Variants in PDE8B observed in about 807,000 individuals in gnomAD.
PDE8B encodes the protein phosphodiesterase 8B.
A neutral mutation model predicts 101.3 loss-of-function variants in PDE8B; 26 were observed. That is an observed-to-expected ratio of 0.26 (90% confidence interval 0.19 to 0.36). The LOEUF (loss-of-function observed/expected upper bound fraction) is 0.36, where lower values mean the gene tolerates loss of function less well. Ranked by LOEUF, PDE8B falls within the 10% of genes least tolerant of loss-of-function variation. The pLI is 1.00. For synonymous variants in PDE8B, 424 were observed against 429.3 expected (o/e 0.99, Z 0.15); for missense variants, 810 against 1,163.1 (o/e 0.70, Z 4.42).
the PDE8B span, among the ~76,000 whole-genome samples, chr5:77,110,860 C>T: frequency 6.6e-6 from 1 of 152,220 alleles, no homozygotes; most frequent in Non-Finnish European, 1.5e-5. Flanking sequence ...TCCTTCCAAA[C>T]CTATCTGCTA....
intron 10 of PDE8B, among the ~76,000 whole-genome samples, chr5:77,389,319 G>C (rs897745385): frequency 6.6e-6 from 1 of 152,066 alleles, no homozygotes; most frequent in Non-Finnish European, 1.5e-5. Flanking sequence ...CTTGGATAGG[G>C]GAGGGAATTC....
rs59393259 is a variant in PDE8B, at chr5:77,386,865, C to CTTTTTTTTTTTT, written c.1168-13365_1168-13354dup. Among the ~76,000 whole-genome samples, 76 of 51,078 alleles carry CTTTTTTTTTTTT rather than the reference C, an allele frequency of 1.5e-3. 11 individuals are homozygous for CTTTTTTTTTTTT. The highest frequency in any genetic ancestry group is 2.1e-3 in the African/African-American group (23 of 10,756). The allele number at this position is 51,078 out of a possible 152,430, so 33.5% of individuals were successfully genotyped here. On this transcript the variant is annotated intron_variant, in intron 10 of 21. Transcript: ENST00000264917. ...TTTTGCCTGTTAGTTGATGTAGTTT[C>CTTTTTTTTTTTT]TTTTTTTTTTTTTTTTTTTTTTTTT...
At chr5:77,376,728 T>G (rs1035220108) in intron 10 of PDE8B, among the ~76,000 whole-genome samples, 1 of 152,186 alleles carries the variant, frequency 6.6e-6, no homozygotes, top group Non-Finnish European at 1.5e-5. Flanking sequence ...TTATTACTAA[T>G]TTTTCCCTGT....
At chr5:77,227,527 G>A (rs1358189917) in intron 1 of PDE8B, among the ~76,000 whole-genome samples, 2 of 152,126 alleles carry the variant, frequency 1.3e-5, no homozygotes, top group Non-Finnish European at 2.9e-5. Flanking sequence ...GAGCAAAGAT[G>A]AATTAGATTC....
intron 1 of PDE8B, among the ~76,000 whole-genome samples, chr5:77,269,289 C>G (rs145579287): frequency 1.4e-3 from 220 of 152,138 alleles, no homozygotes; most frequent in African/African-American, 5.2e-3. Flanking sequence ...TGAGAACTGT[C>G]TATTCAGGTC....
At chr5:77,149,417 A>G in the PDE8B span, among the ~76,000 whole-genome samples, 1 of 152,290 alleles carries the variant, frequency 6.6e-6, no homozygotes, top group South Asian at 2.1e-4. Flanking sequence ...TGGAGTTTTG[A>G]TAGGAATTGT....
chr5:77,132,837 C>G, the PDE8B span, among the ~76,000 whole-genome samples: 9 of 152,214 alleles, frequency 5.9e-5, no homozygotes, highest in Non-Finnish European at 1.3e-4. Context: ...TTAACTGAGA[C>G]TCTACATGTG....
At chr5:77,221,137 T>A (rs1367254931) in intron 1 of PDE8B, among the ~76,000 whole-genome samples, 1 of 152,244 alleles carries the variant, frequency 6.6e-6, no homozygotes, top group Non-Finnish European at 1.5e-5. Flanking sequence ...ATATGACAAC[T>A]TAATATCAAT....
chr5:77,155,631 G>GT, the PDE8B span, among the ~76,000 whole-genome samples: 1 of 152,178 alleles, frequency 6.6e-6, no homozygotes, highest in Non-Finnish European at 1.5e-5. Context: ...GAACCATGGA[G>GT]TAAGCGTGTG....
intron 10 of PDE8B, among the ~76,000 whole-genome samples, chr5:77,391,528 A>G (rs1166561018): frequency 6.6e-6 from 1 of 152,212 alleles, no homozygotes; most frequent in African/African-American, 2.4e-5. Context: ...TTGAAGAAGA[A>G]TGGCCCAGAG....
chr5:77,174,089 G>T, the PDE8B span, among the ~76,000 whole-genome samples: 1 of 152,134 alleles, frequency 6.6e-6, no homozygotes, highest in African/African-American at 2.4e-5. Flanking sequence ...TTGAAGCTTG[G>T]TCTGCAGGTC....
chr5:77,097,247 G>A, the PDE8B span, among the ~76,000 whole-genome samples: 1 of 152,136 alleles, frequency 6.6e-6, no homozygotes, highest in African/African-American at 2.4e-5. Context: ...GCTGGAATGG[G>A]GAGCCACGGT....
Position 77,211,033 on chromosome 5 carries a change from G to A in PDE8B, c.108G>A (p.Pro36=), listed in dbSNP as rs1307992285. The A allele has an allele frequency of 6.5e-7, 1 of 1,541,968 alleles. No individual in the cohort carries two copies. Among genetic ancestry groups the A allele is most frequent in the Admixed American group, 1.9e-5 (1 of 53,360 alleles). ...PRQTTSVSQG[P]AAPLPGLFVQ... ...AGACCACCAGCGTGTCGCAGGGCCC[G>A]GCGGCACCCCTGCCCGGCCTCTTCG... is the stretch of plus-strand genomic sequence containing the variant. Residue 36 remains proline (P), a synonymous_variant, in exon 1 of 22, where the codon CCG becomes CCA. Coordinates refer to ENST00000264917, the MANE Select transcript of PDE8B (RefSeq NM_003719.5). This position sits in a 1 kb window ranked among gnomAD's most constrained non-coding sequence, Gnocchi z 4.1.
chr5:77,146,870 T>C, the PDE8B span: 7 of 356,286 alleles, frequency 2.0e-5, no homozygotes, highest in Admixed American at 2.3e-4. Flanking sequence ...AGGCATTCTT[T>C]GGCTGTTTTC....
chr5:77,173,455 C>T, the PDE8B span, among the ~76,000 whole-genome samples: 1 of 151,926 alleles, frequency 6.6e-6, no homozygotes, highest in African/African-American at 2.4e-5. Context: ...TACAAAATTG[C>T]TTCATTCTCA....
the PDE8B span, among the ~76,000 whole-genome samples, chr5:77,108,757 A>AT: frequency 0.14 from 20,811 of 152,218 alleles, 1,507 homozygotes; most frequent in African/African-American, 0.17. Context: ...ATAATATGTT[A>AT]TTTTTATTTT....
chr5:77,222,302 G>A (rs1023205842), intron 1 of PDE8B, among the ~76,000 whole-genome samples: 11 of 152,094 alleles, frequency 7.2e-5, no homozygotes, highest in Admixed American at 2.0e-4. Flanking sequence ...ATACTAAGGC[G>A]CTACTCTAGG....
At chr5:77,320,725 G>C (rs554051791) in intron 2 of PDE8B, among the ~76,000 whole-genome samples, 1 of 152,244 alleles carries the variant, frequency 6.6e-6, no homozygotes, top group Admixed American at 6.5e-5. Context: ...TCAGTTAGCT[G>C]TTACTCTTTA....
At chr5:77,354,659 T>C (rs1414420301) in intron 10 of PDE8B, among the ~76,000 whole-genome samples, 1 of 152,018 alleles carries the variant, frequency 6.6e-6, no homozygotes, top group Non-Finnish European at 1.5e-5. Flanking sequence ...AGGACACAGG[T>C]CCACTGGGGT....
Sources: allele counts gnomAD v4.1 joint callset (sites outside exome capture counted in the v4.1 genomes callset), GRCh38; gene constraint gnomAD v4.1.1; non-coding constraint Gnocchi (gnomAD v3.1); transcripts MANE v1.5; gene names NCBI Gene and HGNC (gene_info 2026-07-23, HGNC 2026-07-21).